The following CLASP2 variants were observed in gnomAD, a reference collection of about 807,000 sequenced individuals.
CLASP2 encodes the protein cytoplasmic linker associated protein 2.
A neutral mutation model predicts 194.4 loss-of-function variants in CLASP2; 47 were observed. That is an observed-to-expected ratio of 0.24 (90% CI 0.19 to 0.31). CLASP2 has a LOEUF of 0.31. Ranked by LOEUF, CLASP2 falls within the 10% of genes least tolerant of loss-of-function variation. The pLI, the probability that CLASP2 is intolerant of heterozygous loss-of-function variation, is 1.00. For missense variants in CLASP2, 1,445 were observed against 1,823.6 expected (o/e 0.79, Z 3.78); for synonymous variants, 619 against 633.5 (o/e 0.98, Z 0.34).
intron 6 of CLASP2, among the ~76,000 whole-genome samples, chr3:33,682,089 C>T (rs147650797): frequency 6.6e-6 from 1 of 152,132 alleles, no homozygotes; most frequent in Non-Finnish European, 1.5e-5. Context: ...TCTTGTATAG[C>T]CCCTGAATCA....
intron 20 of CLASP2, among the ~76,000 whole-genome samples, chr3:33,594,287 T>TA (rs2069620222): frequency 6.6e-6 from 1 of 152,102 alleles, no homozygotes; most frequent in African/African-American, 2.4e-5. Context: ...ACGTAAAACT[T>TA]AGAGGAAAAA....
intron 13 of CLASP2, among the ~76,000 whole-genome samples, 157 bp from the exon 14 acceptor site, chr3:33,608,783 A>T (rs2074465467): frequency 9.4e-6 from 1 of 106,434 alleles, no homozygotes; most frequent in Non-Finnish European, 1.8e-5. Context: ...ACAGAGTTTC[A>T]CTCTTCTTGC....
chr3:33,614,986 A>C (rs1255912203), intron 12 of CLASP2, among the ~76,000 whole-genome samples: 5 of 152,140 alleles, frequency 3.3e-5, no homozygotes, highest in African/African-American at 1.2e-4. Context: ...TAACAACAAC[A>C]ACAAAATTTG....
intron 7 of CLASP2, among the ~76,000 whole-genome samples, chr3:33,650,347 G>C (rs984909527): frequency 1.3e-5 from 2 of 152,176 alleles, no homozygotes; most frequent in Non-Finnish European, 2.9e-5. Flanking sequence ...ATAAACAAAA[G>C]AAGAATTAAA....
chr3:33,627,619 G>A (rs1056665188), intron 9 of CLASP2, among the ~76,000 whole-genome samples: 1 of 152,048 alleles, frequency 6.6e-6, no homozygotes, highest in Non-Finnish European at 1.5e-5. Flanking sequence ...ACTATGCTAG[G>A]CAATGGAGAA....
At chr3:33,561,728 G>A (rs921848015) in intron 27 of CLASP2, among the ~76,000 whole-genome samples, 1 of 152,044 alleles carries the variant, frequency 6.6e-6, no homozygotes, top group Non-Finnish European at 1.5e-5. Flanking sequence ...ATGTTTATAA[G>A]TGATGTAGCT....
intron 33 of CLASP2, among the ~76,000 whole-genome samples, chr3:33,537,882 C>T (rs2057660661): frequency 6.6e-6 from 1 of 152,156 alleles, no homozygotes; most frequent in Non-Finnish European, 1.5e-5. Flanking sequence ...TGGCTCACAC[C>T]TGTAATCCCA....
chr3:33,579,143 T>C (rs1390628765), intron 23 of CLASP2, among the ~76,000 whole-genome samples: 1 of 152,210 alleles, frequency 6.6e-6, no homozygotes, highest in East Asian at 1.9e-4. Context: ...GTAAATAAAA[T>C]GGCTATAAAA....
chr3:33,498,773 T>C, intron 38 of CLASP2, 56 bp from the exon 39 acceptor site: 1 of 1,131,806 alleles, frequency 8.8e-7, no homozygotes, highest in South Asian at 1.3e-5. Flanking sequence ...AATTATAAGA[T>C]ACTCATTAAA....
At chr3:33,557,041 T>G (rs1397613399) in intron 29 of CLASP2, among the ~76,000 whole-genome samples, 1 of 150,122 alleles carries the variant, frequency 6.7e-6, no homozygotes, top group Non-Finnish European at 1.5e-5. Flanking sequence ...TGGCATGATT[T>G]TGGCTCACTG....
chr3:33,504,996 A>G (rs761975143), intron 37 of CLASP2: 1 of 152,300 alleles, frequency 6.6e-6, no homozygotes, highest in Admixed American at 6.6e-5. Flanking sequence ...TCCTCAGTAC[A>G]CGTGGGCCCA....
intron 11 of CLASP2, among the ~76,000 whole-genome samples, chr3:33,620,624 T>C (rs959723457): frequency 1.3e-5 from 2 of 152,174 alleles, no homozygotes; most frequent in African/African-American, 2.4e-5. Flanking sequence ...TGTTTGGATG[T>C]TGTCTTCCTT....
intron 8 of CLASP2, among the ~76,000 whole-genome samples, chr3:33,635,892 C>A (rs2080043627): frequency 1.3e-5 from 2 of 151,028 alleles, no homozygotes; most frequent in African/African-American, 4.9e-5. Context: ...AAATAAGAGA[C>A]AAATAACACT....
intron 2 of CLASP2, among the ~76,000 whole-genome samples, chr3:33,696,117 G>A (rs1265981187): frequency 1.3e-5 from 2 of 151,430 alleles, no homozygotes; most frequent in East Asian, 1.9e-4. Context: ...TTTGACCAAA[G>A]AAATTTTGTT....
chr3:33,622,359 A>C, intron 10 of CLASP2, 79 bp from the exon 11 acceptor site: 1 of 1,117,630 alleles, frequency 8.9e-7, no homozygotes, highest in Non-Finnish European at 1.2e-6. Context: ...CATTATTCAA[A>C]CAAAAACTTT....
Position 33,534,883 on chromosome 3 carries a change from G to C in CLASP2, c.3787+350C>G, listed in dbSNP as rs541542934. ...GCTTAAAGGGCTACTATAAAGAATGGGTATTTCTTCAAAGGTTTTGTCATC... is the reference window on the plus strand; with the variant it reads ...GCTTAAAGGGCTACTATAAAGAATGCGTATTTCTTCAAAGGTTTTGTCATC... On this transcript the variant is annotated intron_variant, in intron 34 of 38. Coordinates refer to ENST00000682230, the MANE Select transcript of CLASP2 (RefSeq NM_001365631.1). Among the ~76,000 whole-genome samples the C allele has an allele frequency of 5.3e-5, 8 of 152,064 alleles. No individual in the cohort carries two copies. In the East Asian group the frequency reaches 1.5e-3, roughly 29 times the overall value.
intron 10 of CLASP2, among the ~76,000 whole-genome samples, chr3:33,622,641 A>G (rs757410195): frequency 3.3e-5 from 5 of 152,196 alleles, no homozygotes; most frequent in Non-Finnish European, 5.9e-5. Context: ...GTGGTAAAAT[A>G]CAAATGAACA....
At chr3:33,627,119 C>A in intron 9 of CLASP2, 39 bp from the exon 10 acceptor site, 1 of 1,205,184 alleles carries the variant, frequency 8.3e-7, no homozygotes, top group Non-Finnish European at 1.2e-6. Context: ...ATGTTTCTTG[C>A]CATGAACAAT....
At position 33,717,803 on chromosome 3, in the gene CLASP2, C is replaced by A; in HGVS notation, c.195+5G>T. On this transcript the variant is annotated splice_donor_5th_base_variant and intron_variant, in intron 1 of 38. Transcript: ENST00000682230. ...GACCAGCCCAGCCTCGCCGCCGTCG[C>A]TTACCCGGTAGTTGCTCGAACCCAC... 6.4e-7 allele frequency: 1 copy of A among 1,554,034 alleles called. No individual in the cohort carries two copies.
Sources: gnomAD v4.1 joint callset for allele counts (sites outside exome capture counted in the v4.1 genomes callset) on GRCh38, gnomAD v4.1.1 for gene constraint, MANE v1.5 for transcripts, NCBI Gene and HGNC (gene_info 2026-07-23, HGNC 2026-07-21) for gene names.